Variants in MAGI1 observed in about 807,000 individuals in gnomAD.
MAGI1 encodes the protein membrane-associated guanylate kinase, WW and PDZ domain-containing protein 1.
In MAGI1, 58 loss-of-function variants were observed where a neutral mutation model predicts 139.9. The ratio of observed to expected loss-of-function variants is 0.41; its 90% CI spans 0.34 to 0.52. The LOEUF is 0.52. Ranked by LOEUF, MAGI1 falls within the 20% of genes least tolerant of loss-of-function variation. The pLI, the probability that MAGI1 is intolerant of heterozygous loss-of-function variation, is 0.12. For missense variants in MAGI1, 1,874 were observed against 1,901.6 expected, an observed-to-expected ratio of 0.99 and a Z score of 0.27; for synonymous variants, 812 against 737.9, an observed-to-expected ratio of 1.10 and a Z score of -1.63.
intron 2 of MAGI1, among the ~76,000 whole-genome samples, chr3:65,495,049 G>A (rs1177568015): frequency 6.6e-6 from 1 of 152,140 alleles, no homozygotes; most frequent in Non-Finnish European, 1.5e-5. Flanking sequence ...GCCTCCCCTG[G>A]CAGGTGATGA....
intron 1 of MAGI1, among the ~76,000 whole-genome samples, chr3:65,933,355 G>C (rs1283344565): frequency 6.6e-6 from 1 of 152,224 alleles, no homozygotes; most frequent in Non-Finnish European, 1.5e-5. Flanking sequence ...TGAGGGATCT[G>C]CTTCTGCTTC....
intron 2 of MAGI1, among the ~76,000 whole-genome samples, chr3:65,604,810 CA>C (rs1187017646): frequency 6.7e-6 from 1 of 150,292 alleles, no homozygotes; most frequent in African/African-American, 2.4e-5. Context: ...GGGGAATAAA[CA>C]AAATTCCTAT....
At chr3:65,482,862 C>T (rs1214845635) in intron 3 of MAGI1, among the ~76,000 whole-genome samples, 1 of 152,198 alleles carries the variant, frequency 6.6e-6, no homozygotes, top group Non-Finnish European at 1.5e-5. Context: ...TCCAGGGACT[C>T]CATCTCTTAT....
At chr3:65,404,654 T>C (rs1202158318) in intron 12 of MAGI1, among the ~76,000 whole-genome samples, 5 of 152,220 alleles carry the variant, frequency 3.3e-5, no homozygotes, top group African/African-American at 1.2e-4. Context: ...GGAAAAACCT[T>C]ACTAGTTTAT....
chr3:65,713,474 A>G (rs1240842193), intron 1 of MAGI1, among the ~76,000 whole-genome samples: 2 of 152,240 alleles, frequency 1.3e-5, no homozygotes, highest in South Asian at 2.1e-4. Flanking sequence ...CTCTTTTATT[A>G]CAAAGTCCCT....
At chr3:65,687,684 G>A in intron 1 of MAGI1, 1 of 509,606 alleles carries the variant, frequency 2.0e-6, no homozygotes, top group Non-Finnish European at 4.0e-6. Flanking sequence ...ACAAGATTCT[G>A]CCAAGGCTGG....
intron 2 of MAGI1, among the ~76,000 whole-genome samples, chr3:65,550,806 A>T (rs2107964764): frequency 6.6e-6 from 1 of 151,654 alleles, no homozygotes; most frequent in Non-Finnish European, 1.5e-5. Flanking sequence ...GTCCACAAAA[A>T]AAAAAAATAC....
chr3:65,881,387 G>A (rs1395610579), intron 1 of MAGI1, among the ~76,000 whole-genome samples: 1 of 152,144 alleles, frequency 6.6e-6, no homozygotes, highest in Non-Finnish European at 1.5e-5. Context: ...AGCACTTTGG[G>A]GGGCCAAGGC....
At chr3:65,888,889 T>TA (rs143503827) in intron 1 of MAGI1, among the ~76,000 whole-genome samples, 2 of 152,078 alleles carry the variant, frequency 1.3e-5, no homozygotes, top group African/African-American at 4.8e-5. Flanking sequence ...ATCTGTGCGC[T>TA]AAAAAAATGT....
intron 1 of MAGI1, among the ~76,000 whole-genome samples, chr3:66,024,750 G>A (rs1205919783): frequency 6.6e-6 from 1 of 152,152 alleles, no homozygotes; most frequent in Non-Finnish European, 1.5e-5. Context: ...AGGTTGCAGT[G>A]AGCCAAGATC....
At chr3:65,842,313 CTCTT>C (rs1405594316) in intron 1 of MAGI1, among the ~76,000 whole-genome samples, 1 of 151,656 alleles carries the variant, frequency 6.6e-6, no homozygotes, top group Non-Finnish European at 1.5e-5. Flanking sequence ...CACCTGTTTT[CTCTT>C]TCTTTTTCAA....
rs377720574 is a variant in MAGI1 at position 65,961,934 on chromosome 3, C to G, written c.313+76062G>C. Among the ~76,000 whole-genome samples the G allele has an allele frequency of 1.4e-4, 22 of 152,206 alleles. No homozygotes were observed. In the East Asian group the frequency reaches 3.1e-3, roughly 21 times the overall value. ...TTGGTTAGAGCTAAGAGTCTGGGAG[C>G]CACCTGAGCAAATCAGCTAAGTGCT... On this transcript the variant is annotated intron_variant, in intron 1 of 22. Coordinates refer to ENST00000402939, the MANE Select transcript of MAGI1 (RefSeq NM_001033057.2).
chr3:65,961,194 A>C (rs1327036345), intron 1 of MAGI1, among the ~76,000 whole-genome samples: 1 of 152,202 alleles, frequency 6.6e-6, no homozygotes, highest in Non-Finnish European at 1.5e-5. Flanking sequence ...CACTTACTGC[A>C]ATGCATTAAA....
intron 1 of MAGI1, among the ~76,000 whole-genome samples, chr3:65,895,812 C>CGA (rs1236645270): frequency 7.2e-5 from 11 of 152,308 alleles, no homozygotes; most frequent in African/African-American, 1.9e-4. Context: ...AGGGACTTTT[C>CGA]AATCATCAAA....
intron 1 of MAGI1, among the ~76,000 whole-genome samples, chr3:65,735,974 T>G (rs1162766875): frequency 6.6e-6 from 1 of 152,182 alleles, no homozygotes; most frequent in African/African-American, 2.4e-5. Flanking sequence ...AAAGTTCTAC[T>G]CCCAGTGAGT....
chr3:66,019,944 G>A (rs774019092), intron 1 of MAGI1, among the ~76,000 whole-genome samples: 3 of 152,080 alleles, frequency 2.0e-5, no homozygotes, highest in Non-Finnish European at 4.4e-5. Flanking sequence ...TTTGCTCCCA[G>A]TGCAACAGTC....
In MAGI1 at chr3:65,394,071, G is replaced by GCATGT. The variant is rs1379371449; in HGVS notation, c.2200-2718_2200-2714dup. The stretch of plus-strand genomic sequence containing the variant: ...CTGTACATGCATGTGCAGAGATTCA[G>GCATGT]CATGTCACGTCATGGGTTTTTGAAA... On this transcript the variant is annotated intron_variant, in intron 13 of 22. Coordinates refer to ENST00000402939, the MANE Select transcript of MAGI1 (RefSeq NM_001033057.2). 1.9e-4 allele frequency among the ~76,000 whole-genome samples: 29 copies of GCATGT among 152,242 alleles called. 1 individual carries two copies. In the East Asian group the frequency reaches 5.4e-3, roughly 28 times the overall value.
chr3:65,411,001 ACT>A (rs1945751479), intron 12 of MAGI1, among the ~76,000 whole-genome samples: 1 of 152,174 alleles, frequency 6.6e-6, no homozygotes, highest in African/African-American at 2.4e-5. Flanking sequence ...AGTGGAGTGA[ACT>A]ATGGCATCTT....
intron 1 of MAGI1, among the ~76,000 whole-genome samples, chr3:65,709,021 T>C (rs950686932): frequency 2.6e-5 from 4 of 152,196 alleles, no homozygotes; most frequent in African/African-American, 4.8e-5. Context: ...GGGTTCTAAT[T>C]TACCTGGACC....
Sources: gnomAD v4.1 joint callset for allele counts (sites outside exome capture counted in the v4.1 genomes callset) on GRCh38, gnomAD v4.1.1 for gene constraint, MANE v1.5 for transcripts, NCBI Gene and HGNC (gene_info 2026-07-23, HGNC 2026-07-21) for gene names.